PKHD1: variants seen among roughly 807,000 people sequenced by gnomAD.
PKHD1 encodes the protein PKHD1 ciliary IPT domain containing fibrocystin/polyductin.
In PKHD1, 291 loss-of-function variants were observed where a neutral mutation model predicts 412.0. The ratio of observed to expected loss-of-function variants is 0.71; its 90% CI spans 0.64 to 0.78. The LOEUF is 0.78. Among genes scored for constraint, PKHD1 ranks in the 30% least tolerant of loss-of-function variants. The probability of loss-of-function intolerance (pLI) is 0.00; values close to 1 mark genes in which losing one functional copy is unlikely to be tolerated. For missense variants in PKHD1, 4,825 were observed against 4,950.7 expected (o/e 0.97, Z 0.76); for synonymous variants, 1,777 against 1,821.5 (o/e 0.98, Z 0.62).
At chr6:51,979,230 A>C (rs1794832772) in intron 35 of PKHD1, among the ~76,000 whole-genome samples, 2 of 152,158 alleles carry the variant, frequency 1.3e-5, no homozygotes, top group South Asian at 4.1e-4. Context: ...ATTTCTGTAC[A>C]TCCTCATGTA....
At chr6:51,938,543 C>T (rs1266898) in intron 36 of PKHD1, among the ~76,000 whole-genome samples, 1 of 145,014 alleles carries the variant, frequency 6.9e-6, no homozygotes, top group African/African-American at 2.5e-5. Flanking sequence ...TCCTTTACCT[C>T]CCCAAATCTT....
At chr6:51,981,327 C>G (rs1219370105) in intron 35 of PKHD1, among the ~76,000 whole-genome samples, 1 of 25,340 alleles carries the variant, frequency 3.9e-5, no homozygotes, top group African/African-American at 1.1e-4. Context: ...CTCTCCCTCT[C>G]CCTCTCCCTC....
chr6:51,953,534 C>T (rs1003510671), intron 36 of PKHD1, among the ~76,000 whole-genome samples: 1 of 151,582 alleles, frequency 6.6e-6, no homozygotes, highest in African/African-American at 2.4e-5. Flanking sequence ...CATGCATCTA[C>T]TGAATCTGAG....
chr6:51,969,772 T>TAC (rs754431630), intron 35 of PKHD1, among the ~76,000 whole-genome samples: 151 of 151,114 alleles, frequency 1.0e-3, no homozygotes, highest in Non-Finnish European at 1.4e-3. Context: ...TATATATGTG[T>TAC]ACACACACAC....
At chr6:51,734,869 G>A (rs916307569) in intron 60 of PKHD1, among the ~76,000 whole-genome samples, 4 of 152,152 alleles carry the variant, frequency 2.6e-5, no homozygotes, top group African/African-American at 7.2e-5. Flanking sequence ...GTGTACAGGA[G>A]AATGTATGTA....
chr6:51,873,951 G>C (rs889704080), intron 46 of PKHD1, among the ~76,000 whole-genome samples: 1 of 152,216 alleles, frequency 6.6e-6, no homozygotes, highest in African/African-American at 2.4e-5. Flanking sequence ...GGAGACATCA[G>C]CATGTGGAAG....
chr6:51,840,628 G>C (rs937949593), intron 50 of PKHD1, among the ~76,000 whole-genome samples: 1 of 152,014 alleles, frequency 6.6e-6, no homozygotes, highest in African/African-American at 2.4e-5. Context: ...GAGGGTCCTG[G>C]GAATAAGCAT....
intron 43 of PKHD1, among the ~76,000 whole-genome samples, chr6:51,887,571 A>G (rs976152664): frequency 1.3e-5 from 2 of 152,102 alleles, no homozygotes; most frequent in African/African-American, 4.8e-5. Context: ...TGTCCTCACC[A>G]TAGTAAGTGA....
chr6:51,932,490 C>A (rs1339212205), intron 37 of PKHD1, among the ~76,000 whole-genome samples: 2 of 152,158 alleles, frequency 1.3e-5, no homozygotes, highest in Non-Finnish European at 2.9e-5. Flanking sequence ...GGCTGAACCA[C>A]AAATATACAC....
At chr6:51,958,467 TTTCTCTCCTTCTGATGCCTC>T (rs2127938657) in intron 36 of PKHD1, among the ~76,000 whole-genome samples, 1 of 152,182 alleles carries the variant, frequency 6.6e-6, no homozygotes, top group East Asian at 1.9e-4. Flanking sequence ...CTCCTACACT[TTTCTCTCCTTCTGATGCCTC>T]TTCTCTGTTT....
intron 60 of PKHD1, among the ~76,000 whole-genome samples, chr6:51,667,878 G>C (rs1326756849): frequency 6.6e-6 from 1 of 151,686 alleles, no homozygotes; most frequent in Non-Finnish European, 1.5e-5. Context: ...TTATTTCTGA[G>C]GGCTCTGTTC....
Position 52,055,584 on chromosome 6 carries a change from C to G in PKHD1, c.1836+3G>C. 1 of 1,613,994 alleles carries G rather than the reference C, an allele frequency of 6.2e-7. No homozygotes were observed. The highest frequency in any genetic ancestry group is 1.1e-5 in the South Asian group (1 of 91,070). On this transcript the variant is annotated splice_donor_region_variant and intron_variant, in intron 19 of 66. Transcript: ENST00000371117. ...ACCCAGAAGCACAAAGACTGCTACTCACGTGTGTATACTGATCTAGCCGAT... is the reference window on the plus strand; with the variant it reads ...ACCCAGAAGCACAAAGACTGCTACTGACGTGTGTATACTGATCTAGCCGAT...
chr6:52,017,131 C>G (rs1800659734), intron 34 of PKHD1, among the ~76,000 whole-genome samples: 1 of 152,182 alleles, frequency 6.6e-6, no homozygotes, highest in African/African-American at 2.4e-5. Context: ...CCAGATGTTG[C>G]TTTGGATCGG....
At chr6:52,070,921 G>A in intron 9 of PKHD1, 85 bp downstream of exon 9, 2 of 829,602 alleles carry the variant, frequency 2.4e-6, no homozygotes, top group South Asian at 1.3e-5. Flanking sequence ...TTATCCTCAT[G>A]AGAACCAATC....
chr6:51,921,669 C>A (rs1392686681), intron 37 of PKHD1, among the ~76,000 whole-genome samples: 1 of 152,188 alleles, frequency 6.6e-6, no homozygotes. Flanking sequence ...CACTTCATAT[C>A]ATTCGTTTCA....
intron 35 of PKHD1, among the ~76,000 whole-genome samples, chr6:51,967,891 A>T (rs1387412497): frequency 3.3e-5 from 5 of 152,186 alleles, no homozygotes; most frequent in African/African-American, 9.7e-5. Context: ...TTATTTCCCC[A>T]TGCAATGGAC....
chr6:51,639,820 AG>A (rs1389154857), intron 63 of PKHD1, among the ~76,000 whole-genome samples: 2 of 152,238 alleles, frequency 1.3e-5, no homozygotes, highest in African/African-American at 4.8e-5. Flanking sequence ...GAAAGTTTAT[AG>A]ATTGGTTTGA....
intron 60 of PKHD1, among the ~76,000 whole-genome samples, chr6:51,738,099 A>G (rs1460926537): frequency 2.0e-5 from 3 of 152,212 alleles, no homozygotes; most frequent in African/African-American, 7.2e-5. Flanking sequence ...CACTGTAGAC[A>G]GGTAGCCGAT....
At chr6:51,684,908 G>A (rs976515561) in intron 60 of PKHD1, among the ~76,000 whole-genome samples, 2 of 152,028 alleles carry the variant, frequency 1.3e-5, no homozygotes, top group African/African-American at 4.8e-5. Context: ...CATCCATTAT[G>A]ATTCACTAAG....
Sources: gnomAD v4.1 joint callset for allele counts (sites outside exome capture counted in the v4.1 genomes callset) on GRCh38, gnomAD v4.1.1 for gene constraint, MANE v1.5 for transcripts, NCBI Gene and HGNC (gene_info 2026-07-23, HGNC 2026-07-21) for gene names.